TMEM117: variants seen among roughly 807,000 people sequenced by gnomAD.
TMEM117 encodes transmembrane protein 117.
A neutral mutation model predicts 52.4 loss-of-function variants in TMEM117; 27 were observed. That is an observed-to-expected ratio of 0.51 (90% CI 0.38 to 0.71). TMEM117 has a LOEUF of 0.71. Among genes scored for constraint, TMEM117 ranks in the 30% least tolerant of loss-of-function variants. The pLI, the probability that TMEM117 is intolerant of heterozygous loss-of-function variation, is 0.00. For missense variants in TMEM117, 556 were observed against 630.5 expected, an observed-to-expected ratio of 0.88 and a Z score of 1.26; for synonymous variants, 215 against 206.3, an observed-to-expected ratio of 1.04 and a Z score of -0.36.
At chr12:44,294,116 A>G (rs560326457) in intron 5 of TMEM117, among the ~76,000 whole-genome samples, 1 of 152,230 alleles carries the variant, frequency 6.6e-6, no homozygotes, top group East Asian at 1.9e-4. Flanking sequence ...CACTTTGAAT[A>G]TATCATTCCA....
chr12:44,022,911 C>T (rs1013173992), intron 3 of TMEM117, among the ~76,000 whole-genome samples: 1 of 152,124 alleles, frequency 6.6e-6, no homozygotes, highest in African/African-American at 2.4e-5. Flanking sequence ...TGGATTACAT[C>T]AATGAGGTCT....
intron 2 of TMEM117, among the ~76,000 whole-genome samples, chr12:43,862,755 A>G (rs1943511912): frequency 6.6e-6 from 1 of 152,226 alleles, no homozygotes; most frequent in Non-Finnish European, 1.5e-5. Context: ...GAAAGATGAG[A>G]AGGAGCTAGC....
intron 5 of TMEM117, among the ~76,000 whole-genome samples, chr12:44,284,076 A>G (rs1469708913): frequency 6.6e-6 from 1 of 152,114 alleles, no homozygotes; most frequent in Non-Finnish European, 1.5e-5. Flanking sequence ...GCACTTTGGG[A>G]GGCTGACGCG....
At chr12:44,391,965 C>T (rs945191857), downstream of TMEM117, among the ~76,000 whole-genome samples, 29 of 152,258 alleles carry the variant, frequency 1.9e-4, no homozygotes, top group Middle Eastern at 3.4e-3. Context: ...TTAGCCAGCC[C>T]GTACCCTTGA....
intron 2 of TMEM117, among the ~76,000 whole-genome samples, chr12:43,855,675 T>C (rs1167772175): frequency 1.3e-5 from 2 of 152,232 alleles, no homozygotes; most frequent in African/African-American, 4.8e-5. Context: ...AATTCTAGTT[T>C]GTATATTTCA....
intron 3 of TMEM117, among the ~76,000 whole-genome samples, chr12:44,130,218 C>T (rs1160137561): frequency 6.6e-6 from 1 of 152,134 alleles, no homozygotes; most frequent in Non-Finnish European, 1.5e-5. Flanking sequence ...CGATTGCACA[C>T]AGGTATATCT....
chr12:43,960,780 G>A (rs1043540791), intron 3 of TMEM117, among the ~76,000 whole-genome samples: 4 of 152,204 alleles, frequency 2.6e-5, no homozygotes, highest in South Asian at 2.1e-4. Flanking sequence ...ATGCGGAAAC[G>A]TTAGACAGTT....
chr12:44,153,296 C>G (rs1018444941), intron 4 of TMEM117, among the ~76,000 whole-genome samples: 1 of 151,910 alleles, frequency 6.6e-6, no homozygotes, highest in Non-Finnish European at 1.5e-5. Flanking sequence ...AATCTGGTTC[C>G]AAAGTTTTTA....
intron 2 of TMEM117, among the ~76,000 whole-genome samples, chr12:43,864,293 G>A (rs1208664629): frequency 1.3e-5 from 2 of 152,238 alleles, no homozygotes; most frequent in African/African-American, 2.4e-5. Flanking sequence ...GGCACACTGC[G>A]CAGGGACTGG....
rs1363719579 is a variant in TMEM117 at position 43,872,367 on chromosome 12, C to T, written c.277+27439C>T. On this transcript the variant is annotated intron_variant, in intron 2 of 7. Transcript: ENST00000266534. Reference sequence around the variant, plus strand: ...CTATTCTAAAAATAAATGAAAAAGGCGTCTGTACCTCTAACTACAGAAAAG... The same window carrying T: ...CTATTCTAAAAATAAATGAAAAAGGTGTCTGTACCTCTAACTACAGAAAAG... 4.6e-5 allele frequency among the ~76,000 whole-genome samples: 3 copies of T among 64,798 alleles called. No homozygotes were observed. The East Asian group carries it at 4.6e-3, about 99-fold the overall frequency. The allele number at this position is 64,798 out of a possible 152,430, so 42.5% of individuals were successfully genotyped here. A position where few individuals can be genotyped will look rare whatever the true frequency, so the allele number is the denominator to read the frequency against.
At chr12:43,974,566 G>GT (rs1945642257) in intron 3 of TMEM117, among the ~76,000 whole-genome samples, 1 of 152,094 alleles carries the variant, frequency 6.6e-6, no homozygotes, top group Non-Finnish European at 1.5e-5. Context: ...CTGATAGTGA[G>GT]AAGACTGCTC....
chr12:44,377,995 G>C (rs1160100827), intron 7 of TMEM117, among the ~76,000 whole-genome samples: 1 of 152,140 alleles, frequency 6.6e-6, no homozygotes, highest in Non-Finnish European at 1.5e-5. Context: ...CAATCAATTT[G>C]AGTTCAGGTC....
intron 3 of TMEM117, among the ~76,000 whole-genome samples, chr12:44,089,623 A>G (rs1231145178): frequency 2.0e-5 from 3 of 152,184 alleles, no homozygotes; most frequent in Admixed American, 2.0e-4. Context: ...AGAGAGTCAC[A>G]TGAGAATACA....
chr12:44,084,526 A>C (rs1411850384), intron 3 of TMEM117, among the ~76,000 whole-genome samples: 1 of 152,174 alleles, frequency 6.6e-6, no homozygotes, highest in African/African-American at 2.4e-5. Context: ...TAAGAGGCAA[A>C]TGTATTATAT....
intron 5 of TMEM117, among the ~76,000 whole-genome samples, chr12:44,277,621 C>T (rs1332955150): frequency 6.6e-6 from 1 of 152,038 alleles, no homozygotes; most frequent in Non-Finnish European, 1.5e-5. Flanking sequence ...TCCCCATTTT[C>T]TTATTGTCTG....
At chr12:43,797,189 A>G in the TMEM117 span, 4 of 1,474,790 alleles carry the variant, frequency 2.7e-6, no homozygotes, top group Admixed American at 2.2e-5. Context: ...ACAAGTACAG[A>G]AACTTCATAA....
At chr12:44,048,727 T>C (rs1331911729) in intron 3 of TMEM117, among the ~76,000 whole-genome samples, 4 of 152,220 alleles carry the variant, frequency 2.6e-5, no homozygotes, top group Non-Finnish European at 5.9e-5. Flanking sequence ...AGTAATACCG[T>C]TGGCCAAGAC....
chr12:44,279,019 C>G (rs1020040081), intron 5 of TMEM117, among the ~76,000 whole-genome samples: 1 of 152,248 alleles, frequency 6.6e-6, no homozygotes. Flanking sequence ...TAAATTATAG[C>G]CCATTTTCCA....
chr12:44,355,230 G>A (rs1028101835), intron 6 of TMEM117, among the ~76,000 whole-genome samples: 1 of 151,908 alleles, frequency 6.6e-6, no homozygotes, highest in African/African-American at 2.4e-5. Context: ...CTGTCTTCTG[G>A]CTGATATTGC....
Sources: allele counts gnomAD v4.1 joint callset (sites outside exome capture counted in the v4.1 genomes callset), GRCh38; gene constraint gnomAD v4.1.1; transcripts MANE v1.5; gene names NCBI Gene and HGNC (gene_info 2026-07-23, HGNC 2026-07-21).